Variants in NFIA observed in about 807,000 individuals in gnomAD.
The protein encoded by NFIA is nuclear factor I A, also known as nuclear factor 1 A-type.
A neutral mutation model predicts 62.8 loss-of-function variants in NFIA; 8 were observed. The ratio of observed to expected loss-of-function variants is 0.13; its 90% confidence interval spans 0.07 to 0.23. The LOEUF (loss-of-function observed/expected upper bound fraction) is 0.23, where lower values mean the gene tolerates loss of function less well. NFIA is among the 10% of genes least tolerant of loss of function. The probability of loss-of-function intolerance (pLI) is 1.00; values close to 1 mark genes in which losing one functional copy is unlikely to be tolerated. For synonymous variants in NFIA, 235 were observed against 238.1 expected, an observed-to-expected ratio of 0.99 and a Z score of 0.12; for missense variants, 410 against 642.1, an observed-to-expected ratio of 0.64 and a Z score of 3.91.
At chr1:61,350,712 A>G (rs867352290) in intron 4 of NFIA, among the ~76,000 whole-genome samples, 14 of 152,238 alleles carry the variant, frequency 9.2e-5, no homozygotes, top group African/African-American at 2.9e-4. Context: ...TTTCCCGTGT[A>G]TTCTACACTA....
intron 2 of NFIA, among the ~76,000 whole-genome samples, chr1:61,225,822 TA>T (rs1654298970): frequency 6.6e-6 from 1 of 152,122 alleles, no homozygotes. Flanking sequence ...CTTAAAATCT[TA>T]AAAAACACAC....
chr1:61,184,924 C>G (rs1191263413), intron 2 of NFIA, among the ~76,000 whole-genome samples: 1 of 152,214 alleles, frequency 6.6e-6, no homozygotes, highest in Non-Finnish European at 1.5e-5. Context: ...ACACACAGTT[C>G]TCTGACTTGA....
chr1:61,439,293 A>G (rs998799791), intron 10 of NFIA, among the ~76,000 whole-genome samples: 1 of 152,168 alleles, frequency 6.6e-6, no homozygotes, highest in Non-Finnish European at 1.5e-5. Flanking sequence ...AGAAGAATAG[A>G]AAGTGAGAAC....
intron 2 of NFIA, among the ~76,000 whole-genome samples, chr1:61,183,417 G>A (rs1228813256): frequency 6.6e-6 from 1 of 152,194 alleles, no homozygotes; most frequent in Non-Finnish European, 1.5e-5. Context: ...CCTTGCTCTG[G>A]AGGAACACCG....
intron 2 of NFIA, among the ~76,000 whole-genome samples, chr1:61,228,786 A>G (rs1244394799): frequency 4.6e-5 from 7 of 152,092 alleles, no homozygotes; most frequent in Admixed American, 2.6e-4. Flanking sequence ...TTATGTTTAT[A>G]TCTTATGATT....
chr1:61,342,588 A>G (rs1003010290), intron 4 of NFIA, among the ~76,000 whole-genome samples: 6 of 152,216 alleles, frequency 3.9e-5, no homozygotes, highest in Non-Finnish European at 8.8e-5. Flanking sequence ...ACCAAGTGGC[A>G]GGGCCCTTCA....
At chr1:61,167,207 C>T (rs934711261) in intron 2 of NFIA, among the ~76,000 whole-genome samples, 1 of 152,084 alleles carries the variant, frequency 6.6e-6, no homozygotes, top group Non-Finnish European at 1.5e-5. Flanking sequence ...AGAAAAATAA[C>T]CCTGTAAAAA....
chr1:61,164,784 T>C (rs541109117), intron 2 of NFIA, among the ~76,000 whole-genome samples: 5 of 152,192 alleles, frequency 3.3e-5, no homozygotes, highest in African/African-American at 1.2e-4. Flanking sequence ...TTCTAGCCTC[T>C]ACAGTGGGAG....
In NFIA at chr1:61,088,187, C is replaced by T. The variant is rs751264239; in HGVS notation, c.66C>T (p.His22=). The change falls in exon 2 of 11, where the codon CAC becomes CAT. Residue 22 remains histidine (H), a synonymous_variant. Coordinates refer to ENST00000403491, the MANE Select transcript of NFIA (RefSeq NM_001134673.4). This position sits in a 1 kb window ranked among gnomAD's most constrained non-coding sequence, Gnocchi z 4.5. The stretch of plus-strand genomic sequence containing the variant: ...CTTTCATCGAAGCACTTCTGCCCCA[C>T]GTCCGAGCCTTTGCCTACACATGGT... ...FHPFIEALLP[H]VRAFAYTWFN... is the part of the protein sequence containing the mutation. The T allele has an allele frequency of 2.7e-5, 43 of 1,613,148 alleles. No homozygotes were observed. The highest frequency in any genetic ancestry group is 3.3e-5 in the Non-Finnish European group (39 of 1,179,830).
chr1:61,332,381 A>T (rs572122705), intron 3 of NFIA, 131 bp from the exon 4 acceptor site: 4 of 796,582 alleles, frequency 5.0e-6, no homozygotes, highest in Admixed American at 5.0e-5. Flanking sequence ...CTCCCACATA[A>T]ACCCCAAGGA....
At chr1:61,253,741 A>T (rs555442905) in intron 2 of NFIA, among the ~76,000 whole-genome samples, 1 of 152,298 alleles carries the variant, frequency 6.6e-6, no homozygotes, top group African/African-American at 2.4e-5. Context: ...AGGAAAATGC[A>T]TCTTCTCCTT....
At chr1:61,337,947 T>C (rs1326933150) in intron 4 of NFIA, among the ~76,000 whole-genome samples, 2 of 152,206 alleles carry the variant, frequency 1.3e-5, no homozygotes, top group Admixed American at 1.3e-4. Context: ...GCTGACTCTA[T>C]TTTACTTGAA....
At chr1:61,184,105 A>AT (rs1262175948) in intron 2 of NFIA, among the ~76,000 whole-genome samples, 2 of 118,352 alleles carry the variant, frequency 1.7e-5, no homozygotes, top group East Asian at 3.0e-4. Context: ...CGTAAGGTTT[A>AT]TGGGGGGGGG....
At chr1:61,157,955 G>A (rs1648928686) in intron 2 of NFIA, among the ~76,000 whole-genome samples, 1 of 152,204 alleles carries the variant, frequency 6.6e-6, no homozygotes, top group African/African-American at 2.4e-5. Context: ...AAATTGTTAT[G>A]TGTGATCCCA....
At chr1:61,175,702 T>C (rs1274790852) in intron 2 of NFIA, among the ~76,000 whole-genome samples, 1 of 152,218 alleles carries the variant, frequency 6.6e-6, no homozygotes, top group Non-Finnish European at 1.5e-5. Context: ...TCACATGTCA[T>C]AGTCTGTGTA....
chr1:61,442,510 G>A (rs570613869), intron 10 of NFIA, among the ~76,000 whole-genome samples: 2 of 151,648 alleles, frequency 1.3e-5, no homozygotes, highest in African/African-American at 4.8e-5. Context: ...TCAGGAAAAT[G>A]TGCAAACCAT....
chr1:61,117,688 A>G (rs1646815144), intron 2 of NFIA, among the ~76,000 whole-genome samples: 1 of 152,170 alleles, frequency 6.6e-6, no homozygotes, highest in African/African-American at 2.4e-5. Flanking sequence ...TTGCTTGATA[A>G]TTTGGTGTCC....
intron 2 of NFIA, among the ~76,000 whole-genome samples, chr1:61,195,880 C>T (rs1371341656): frequency 1.3e-5 from 2 of 152,082 alleles, no homozygotes; most frequent in African/African-American, 4.8e-5. Context: ...ATAAAGAAAG[C>T]AGAGTAAAAT....
At chr1:61,153,288 G>T (rs1479852426) in intron 2 of NFIA, among the ~76,000 whole-genome samples, 1 of 152,162 alleles carries the variant, frequency 6.6e-6, no homozygotes, top group Non-Finnish European at 1.5e-5. Flanking sequence ...TCTATCATTT[G>T]CCTGCAGAGT....
Sources: gnomAD v4.1 joint callset for allele counts (sites outside exome capture counted in the v4.1 genomes callset) on GRCh38, gnomAD v4.1.1 for gene constraint, Gnocchi (gnomAD v3.1) non-coding constraint, MANE v1.5 for transcripts, NCBI Gene and HGNC (gene_info 2026-07-23, HGNC 2026-07-21) for gene names.